Variants in MAGI2 observed in about 807,000 individuals in gnomAD.
MAGI2 encodes membrane associated guanylate kinase, WW and PDZ domain containing 2, also known as membrane-associated guanylate kinase, WW and PDZ domain-containing protein 2.
A neutral mutation model predicts 133.3 loss-of-function variants in MAGI2; 35 were observed. That is an observed-to-expected ratio of 0.26 (90% CI 0.20 to 0.35). MAGI2 has a LOEUF of 0.35. Among genes scored for constraint, MAGI2 ranks in the 10% least tolerant of loss-of-function variants. The probability of loss-of-function intolerance (pLI) is 1.00; values close to 1 mark genes in which losing one functional copy is unlikely to be tolerated. For synonymous variants in MAGI2, 729 were observed against 710.6 expected (o/e 1.03, Z -0.41); for missense variants, 1,636 against 1,863.4 (o/e 0.88, Z 2.25).
At chr7:78,477,009 C>T (rs1324642176) in intron 6 of MAGI2, among the ~76,000 whole-genome samples, 1 of 151,940 alleles carries the variant, frequency 6.6e-6, no homozygotes, top group Non-Finnish European at 1.5e-5. Context: ...CTCACTTCAG[C>T]AACTGAAATT....
At chr7:78,767,617 T>C (rs934216370) in intron 2 of MAGI2, among the ~76,000 whole-genome samples, 26 of 152,198 alleles carry the variant, frequency 1.7e-4, no homozygotes, top group Admixed American at 4.6e-4. Flanking sequence ...ATAGAGAAAA[T>C]GGATGTCAGA....
intron 6 of MAGI2, among the ~76,000 whole-genome samples, chr7:78,387,822 A>G (rs1269240584): frequency 6.6e-6 from 1 of 152,064 alleles, no homozygotes; most frequent in African/African-American, 2.4e-5. Flanking sequence ...GCTACTCAGG[A>G]GGCTGAGGTG....
intron 2 of MAGI2, among the ~76,000 whole-genome samples, chr7:78,705,728 A>G (rs1389474094): frequency 2.6e-5 from 4 of 152,142 alleles, no homozygotes; most frequent in African/African-American, 9.7e-5. Flanking sequence ...CTAGAAACAG[A>G]TAATTTTATA....
chr7:78,334,167 A>G (rs1562841932), intron 9 of MAGI2, among the ~76,000 whole-genome samples: 2 of 152,284 alleles, frequency 1.3e-5, no homozygotes, highest in African/African-American at 2.4e-5. Context: ...GGAGCTCAGA[A>G]TGGTTAGGAA....
intron 1 of MAGI2, among the ~76,000 whole-genome samples, chr7:79,444,755 T>C (rs1460498454): frequency 6.6e-6 from 1 of 152,142 alleles, no homozygotes; most frequent in Non-Finnish European, 1.5e-5. Context: ...AATTTATAGA[T>C]TCAATGCTAT....
chr7:78,630,055 A>AT lies in MAGI2; in HGVS notation c.419-2817dup, dbSNP rs1808790958. Among the ~76,000 whole-genome samples the AT allele has an allele frequency of 3.3e-5, 5 of 152,120 alleles. 1 individual carries two copies. The South Asian group carries it at 1.0e-3, about 32-fold the overall frequency. On this transcript the variant is annotated intron_variant, in intron 2 of 21. Transcript: ENST00000354212. ...TTCAAGCAATTCTATAAGACTTCTGATTTTTAAAAAGCAGACCCTCATCAC... is the reference window on the plus strand; with the variant it reads ...TTCAAGCAATTCTATAAGACTTCTGATTTTTTAAAAAGCAGACCCTCATCAC...
chr7:79,158,478 G>A (rs1460108095), intron 1 of MAGI2, among the ~76,000 whole-genome samples: 2 of 151,916 alleles, frequency 1.3e-5, no homozygotes, highest in African/African-American at 2.4e-5. Context: ...CCTAAGAATT[G>A]TTTGCATTTT....
Position 79,188,875 on chromosome 7 carries a change from C to T in MAGI2, c.302-181669G>A, listed in dbSNP as rs189217869. On this transcript the variant is annotated intron_variant, in intron 1 of 21. Coordinates refer to ENST00000354212, the MANE Select transcript of MAGI2 (RefSeq NM_012301.4). ...TTGGTCTTCCAGACATTTCCATATG[C>T]GTGTATATTATTTAAAACAGTATCA... Among the ~76,000 whole-genome samples, 29 of 151,888 alleles carry T rather than the reference C, an allele frequency of 1.9e-4. No homozygotes were observed. In the South Asian group the frequency reaches 2.7e-3, roughly 14 times the overall value.
At chr7:78,733,172 T>C (rs1309634458) in intron 2 of MAGI2, among the ~76,000 whole-genome samples, 1 of 152,124 alleles carries the variant, frequency 6.6e-6, no homozygotes, top group Non-Finnish European at 1.5e-5. Context: ...AGCAAAATCT[T>C]TAGTAACACA....
chr7:78,302,126 G>A (rs932717524), intron 9 of MAGI2, among the ~76,000 whole-genome samples: 1 of 152,076 alleles, frequency 6.6e-6, no homozygotes, highest in African/African-American at 2.4e-5. Flanking sequence ...TAAAATTAGT[G>A]CCTGAAACAA....
chr7:78,251,377 G>A (rs1248826064), intron 10 of MAGI2: 1 of 152,100 alleles, frequency 6.6e-6, no homozygotes, highest in African/African-American at 2.4e-5. Flanking sequence ...TCAAGCTAGT[G>A]TAATAAGGCA....
At chr7:79,391,712 C>T (rs780508386) in intron 1 of MAGI2, among the ~76,000 whole-genome samples, 4 of 151,684 alleles carry the variant, frequency 2.6e-5, no homozygotes, top group Non-Finnish European at 4.4e-5. Flanking sequence ...TTTGTTGAGA[C>T]GGAGTCTTGC....
intron 6 of MAGI2, among the ~76,000 whole-genome samples, chr7:78,437,925 C>T (rs1378168346): frequency 6.6e-6 from 1 of 152,098 alleles, no homozygotes; most frequent in Non-Finnish European, 1.5e-5. Context: ...AATTCTTCCC[C>T]ATAATTCCTG....
intron 2 of MAGI2, among the ~76,000 whole-genome samples, chr7:78,740,072 A>G (rs976445678): frequency 1.3e-5 from 2 of 152,018 alleles, no homozygotes; most frequent in African/African-American, 2.4e-5. Context: ...GAGGCAGGAG[A>G]ATGGCGTGAA....
intron 3 of MAGI2, 78 bp from the exon 4 acceptor site, chr7:78,521,723 T>C: frequency 8.3e-7 from 1 of 1,204,292 alleles, no homozygotes; most frequent in East Asian, 2.3e-5. Flanking sequence ...ATGGAAATTA[T>C]ATTAACACAT....
chr7:79,235,638 T>C (rs1482734859), intron 1 of MAGI2, among the ~76,000 whole-genome samples: 4 of 152,166 alleles, frequency 2.6e-5, no homozygotes, highest in African/African-American at 7.2e-5. Flanking sequence ...GGCAATGCCT[T>C]GCCCTGCTTC....
chr7:78,503,578 CCCT>C (rs377556191), intron 4 of MAGI2, among the ~76,000 whole-genome samples: 225 of 53,544 alleles, frequency 4.2e-3, no homozygotes, highest in South Asian at 0.011. Flanking sequence ...CTCCTCCTCC[CCCT>C]CCTCCTCCTC....
rs184130546 is a variant in MAGI2 at position 79,104,622 on chromosome 7, G to A, written c.302-97416C>T. ...GTGGAGGTTGCAGTGAGCAGAGAAC[G>A]TGCCACCGCACTTTAGCCTGGCAAC... On this transcript the variant is annotated intron_variant, in intron 1 of 21. Transcript: ENST00000354212. Among the ~76,000 whole-genome samples the A allele has an allele frequency of 3.1e-3, 467 of 152,050 alleles. 2 individuals carry two copies. The highest frequency in any genetic ancestry group is 5.3e-3 in the Non-Finnish European group (357 of 67,984).
intron 6 of MAGI2, among the ~76,000 whole-genome samples, chr7:78,476,332 G>A (rs1192569022): frequency 6.6e-6 from 1 of 151,956 alleles, no homozygotes; most frequent in East Asian, 1.9e-4. Context: ...AAACCAAAGT[G>A]AAGGCAAAGA....
Sources: allele counts gnomAD v4.1 joint callset (sites outside exome capture counted in the v4.1 genomes callset), GRCh38; gene constraint gnomAD v4.1.1; transcripts MANE v1.5; gene names NCBI Gene and HGNC (gene_info 2026-07-23, HGNC 2026-07-21).